SLC14A2: variants seen among roughly 807,000 people sequenced by gnomAD.
SLC14A2 encodes the protein solute carrier family 14 member 2, also known as urea transporter 2.
Under a neutral mutation model 104.6 loss-of-function variants are expected in SLC14A2, and 91 were observed. That is an observed-to-expected ratio of 0.87 (90% CI 0.73 to 1.04). The LOEUF (loss-of-function observed/expected upper bound fraction) is 1.04, where lower values mean the gene tolerates loss of function less well. Ranked by LOEUF, SLC14A2 falls within the 50% of genes least tolerant of loss-of-function variation. The pLI, the probability that SLC14A2 is intolerant of heterozygous loss-of-function variation, is 0.00. For synonymous variants in SLC14A2, 476 were observed against 466.4 expected, an observed-to-expected ratio of 1.02 and a Z score of -0.27; for missense variants, 1,189 against 1,156.0, an observed-to-expected ratio of 1.03 and a Z score of -0.41.
intron 2 of SLC14A2, among the ~76,000 whole-genome samples, chr18:45,591,842 G>T (rs2044650907): frequency 6.6e-6 from 1 of 152,198 alleles, no homozygotes; most frequent in Non-Finnish European, 1.5e-5. Flanking sequence ...CAGTTTCACA[G>T]CTGTGGTCCA....
intron 1 of SLC14A2, among the ~76,000 whole-genome samples, chr18:45,475,088 C>T (rs1378459866): frequency 1.3e-5 from 2 of 152,162 alleles, no homozygotes; most frequent in Non-Finnish European, 2.9e-5. Flanking sequence ...TCTTTCTTCT[C>T]ATTGGTTTCA....
intron 1 of SLC14A2, among the ~76,000 whole-genome samples, chr18:45,260,876 A>G (rs968677382): frequency 1.3e-5 from 2 of 152,090 alleles, no homozygotes; most frequent in Non-Finnish European, 2.9e-5. Flanking sequence ...CTAAAAAACT[A>G]TGCATTGGGT....
intron 2 of SLC14A2, among the ~76,000 whole-genome samples, chr18:45,503,514 T>C (rs974458869): frequency 6.6e-6 from 1 of 152,220 alleles, no homozygotes; most frequent in African/African-American, 2.4e-5. Flanking sequence ...CCTGTCTTAA[T>C]GCTTTTCTGC....
chr18:45,236,918 A>G (rs1249689137), intron 1 of SLC14A2, among the ~76,000 whole-genome samples: 3 of 152,068 alleles, frequency 2.0e-5, no homozygotes, highest in African/African-American at 7.2e-5. Context: ...ATCACTTTAA[A>G]CATCTGAAAC....
rs145319511 is a variant in SLC14A2, at chr18:45,495,628, C to T, written c.-35+12306C>T. Among the ~76,000 whole-genome samples the T allele has an allele frequency of 2.6e-5, 4 of 152,304 alleles. No individual in the cohort carries two copies. The East Asian group carries it at 5.8e-4, about 22-fold the overall frequency. ...GTGTCCTCTTGCCTTCTTACTGAAG[C>T]AAGTCATTGCCTATGTTAGCCCCCT... is the stretch of plus-strand genomic sequence containing the variant. On this transcript the variant is annotated intron_variant, in intron 2 of 20. Coordinates refer to the SLC14A2 transcript ENST00000586448.
intron 2 of SLC14A2, among the ~76,000 whole-genome samples, chr18:45,565,892 T>C (rs2044259414): frequency 6.6e-6 from 1 of 152,186 alleles, no homozygotes. Flanking sequence ...AGAAGAAAGT[T>C]GCCTTGCCCT....
chr18:45,608,182 C>T (rs1307140574), intron 2 of SLC14A2, among the ~76,000 whole-genome samples: 1 of 152,196 alleles, frequency 6.6e-6, no homozygotes, highest in East Asian at 1.9e-4. Context: ...ACAGGATGTG[C>T]TACAGAGAAA....
In SLC14A2 at chr18:45,625,784, A is replaced by G; in HGVS notation, c.252A>G (p.Ala84=). The G allele has an allele frequency of 6.4e-7, 1 of 1,553,048 alleles. No homozygotes were observed. Among genetic ancestry groups the G allele is most frequent in the Non-Finnish European group, 8.7e-7 (1 of 1,155,766 alleles). Residue 84 remains alanine (A), a synonymous_variant, in exon 3 of 20, where the codon GCA becomes GCG. Coordinates refer to ENST00000255226, the MANE Select transcript of SLC14A2 (RefSeq NM_007163.4). ...ACGGGGTGGCCCATCGGGACTCAGC[A>G]GGCCAAAGGTGCATCTGCCTCTCCA... is the stretch of plus-strand genomic sequence containing the variant. ...KDDGVAHRDS[A]GQRCICLSKA...
At chr18:45,511,385 A>T (rs1449243757) in intron 2 of SLC14A2, among the ~76,000 whole-genome samples, 1 of 151,988 alleles carries the variant, frequency 6.6e-6, no homozygotes, top group Non-Finnish European at 1.5e-5. Flanking sequence ...CTCTGACATC[A>T]CTCAGGAGTG....
chr18:45,399,365 T>C (rs9962502), intron 1 of SLC14A2, among the ~76,000 whole-genome samples: 87,092 of 152,046 alleles, frequency 0.57, 25,057 homozygotes, highest in Admixed American at 0.63. Flanking sequence ...TTGTGGGCAC[T>C]TGAGCCCACA....
At chr18:45,324,904 C>T (rs2144247094) in intron 1 of SLC14A2, among the ~76,000 whole-genome samples, 1 of 152,268 alleles carries the variant, frequency 6.6e-6, no homozygotes, top group East Asian at 1.9e-4. Context: ...CTGTTTGGCA[C>T]ATTCAGCACA....
intron 1 of SLC14A2, among the ~76,000 whole-genome samples, chr18:45,362,033 G>A (rs1271142697): frequency 6.6e-6 from 1 of 152,200 alleles, no homozygotes; most frequent in Non-Finnish European, 1.5e-5. Context: ...GGGACCTGGT[G>A]GGAGGTGATT....
In SLC14A2 at chr18:45,667,900, C is replaced by G; in HGVS notation, c.1785C>G (p.Asn595Lys). 6.2e-7 allele frequency: 1 copy of G among 1,614,130 alleles called. No individual in the cohort carries two copies. Among genetic ancestry groups the G allele is most frequent in the Non-Finnish European group, 8.5e-7 (1 of 1,179,986 alleles). ...GCACATCTCAAGTGATGTTTGTGAA[C>G]AACCCCCTCAGCGGCATCCTCATCA... ...LRGTSQVMFVNNPLSGILIIL... is the reference protein window; with the variant it reads ...LRGTSQVMFVKNPLSGILIIL... Residue 595 changes from asparagine (N) to lysine (K), a missense_variant, in exon 14 of 20, where the codon AAC becomes AAG. Coordinates refer to ENST00000255226, the MANE Select transcript of SLC14A2 (RefSeq NM_007163.4).
chr18:45,371,343 C>T (rs1598730247), intron 1 of SLC14A2, among the ~76,000 whole-genome samples: 1 of 152,212 alleles, frequency 6.6e-6, no homozygotes, highest in East Asian at 1.9e-4. Flanking sequence ...GTGAATAGGC[C>T]CTGTCCTGTA....
intron 15 of SLC14A2, among the ~76,000 whole-genome samples, chr18:45,668,865 C>T (rs1358808490): frequency 6.6e-6 from 1 of 152,186 alleles, no homozygotes; most frequent in Non-Finnish European, 1.5e-5. Flanking sequence ...AGACCAAGAC[C>T]ACCTCCCAGG....
chr18:45,380,665 A>C (rs2085825475), intron 1 of SLC14A2, among the ~76,000 whole-genome samples: 2 of 152,160 alleles, frequency 1.3e-5, no homozygotes, highest in Non-Finnish European at 2.9e-5. Flanking sequence ...AAAATTATGA[A>C]GTTGGCTGTG....
At chr18:45,333,402 G>T (rs777243095) in intron 1 of SLC14A2, among the ~76,000 whole-genome samples, 1 of 152,122 alleles carries the variant, frequency 6.6e-6, no homozygotes, top group Non-Finnish European at 1.5e-5. Flanking sequence ...TCATAATACA[G>T]GTAGGAGCTA....
At chr18:45,490,355 G>A (rs755257854) in intron 2 of SLC14A2, among the ~76,000 whole-genome samples, 6 of 152,122 alleles carry the variant, frequency 3.9e-5, no homozygotes, top group Non-Finnish European at 7.4e-5. Context: ...AGTGGGGAAG[G>A]AATAGACTGT....
the SLC14A2 span, among the ~76,000 whole-genome samples, chr18:45,175,413 G>A: frequency 5.0e-5 from 7 of 139,290 alleles, no homozygotes; most frequent in South Asian, 2.3e-4. Context: ...GTAAGAAAAC[G>A]TTTAAAAAAA....
Sources: allele counts gnomAD v4.1 joint callset (sites outside exome capture counted in the v4.1 genomes callset), GRCh38; gene constraint gnomAD v4.1.1; transcripts MANE v1.5; gene names NCBI Gene and HGNC (gene_info 2026-07-23, HGNC 2026-07-21).